NFAM1: variants seen among roughly 807,000 people sequenced by gnomAD.
NFAM1 encodes the protein NFAT activation molecule 1.
A neutral mutation model predicts 29.0 loss-of-function variants in NFAM1; 17 were observed. The observed-to-expected ratio is 0.59, with a 90% confidence interval of 0.40 to 0.88. The LOEUF (loss-of-function observed/expected upper bound fraction) is 0.88, where lower values mean the gene tolerates loss of function less well. Ranked by LOEUF, NFAM1 falls within the 40% of genes least tolerant of loss-of-function variation. The pLI is 0.00. For missense variants in NFAM1, 324 were observed against 344.6 expected (o/e 0.94, Z 0.47); for synonymous variants, 175 against 147.2 (o/e 1.19, Z -1.36).
chr22:42,433,063 C>G (rs1930858600), upstream of NFAM1, among the ~76,000 whole-genome samples: 1 of 152,210 alleles, frequency 6.6e-6, no homozygotes. Context: ...AACTGTGAGA[C>G]CCTCGAACTG....
intron 1 of NFAM1, among the ~76,000 whole-genome samples, chr22:42,422,992 A>T: frequency 6.6e-6 from 1 of 152,064 alleles, no homozygotes. Flanking sequence ...GGGCGCCTGT[A>T]ATCCCAGCTA....
chr22:42,403,953 C>T (rs968640989), intron 3 of NFAM1, among the ~76,000 whole-genome samples: 4 of 152,156 alleles, frequency 2.6e-5, no homozygotes, highest in African/African-American at 9.7e-5. Flanking sequence ...TGCCGAAATA[C>T]AGAGAACAAG....
At position 42,409,867 on chromosome 22, in the gene NFAM1, C is replaced by T. The variant is rs1433825114; in HGVS notation, c.452-320G>A. 1.3e-5 allele frequency among the ~76,000 whole-genome samples: 2 copies of T among 152,160 alleles called. No homozygotes were observed. Among genetic ancestry groups the T allele is most frequent in the Non-Finnish European group, 2.9e-5 (2 of 68,026 alleles). On this transcript the variant is annotated intron_variant, in intron 2 of 5. Transcript: ENST00000329021. The surrounding 1 kb of genome is among the most constrained non-coding windows in gnomAD (Gnocchi z 4.9). ...TCCCCTCTCGGGGCCTCTTCTTTTCCCTGTGTGAGGTGGTGATAATACGGG... is the reference window on the plus strand; with the variant it reads ...TCCCCTCTCGGGGCCTCTTCTTTTCTCTGTGTGAGGTGGTGATAATACGGG...
chr22:42,433,914 C>T (rs1026708506), upstream of NFAM1, among the ~76,000 whole-genome samples: 5 of 152,058 alleles, frequency 3.3e-5, no homozygotes, highest in African/African-American at 7.2e-5. Flanking sequence ...TCAGGGTACA[C>T]GGGGAGCATT....
At chr22:42,425,743 C>T (rs1046946393) in intron 1 of NFAM1, among the ~76,000 whole-genome samples, 6 of 152,200 alleles carry the variant, frequency 3.9e-5, no homozygotes, top group African/African-American at 9.7e-5. Flanking sequence ...CCTGAGCCCG[C>T]GTACTCTCTC....
At chr22:42,392,142 A>G (rs1929366286) in intron 4 of NFAM1, among the ~76,000 whole-genome samples, 1 of 152,072 alleles carries the variant, frequency 6.6e-6, no homozygotes, top group African/African-American at 2.4e-5. Flanking sequence ...AAGAAGAAAA[A>G]GGGTCCCAGG....
At chr22:42,429,938 G>A (rs1250475873) in intron 1 of NFAM1, among the ~76,000 whole-genome samples, 1 of 152,214 alleles carries the variant, frequency 6.6e-6, no homozygotes. Context: ...GTGACAGATA[G>A]ATGAAGGGGG....
intron 3 of NFAM1, among the ~76,000 whole-genome samples, chr22:42,398,377 TTTTA>T (rs1161763087): frequency 2.8e-5 from 4 of 140,812 alleles, no homozygotes; most frequent in Non-Finnish European, 6.1e-5. Context: ...TGGGCCTTGG[TTTTA>T]TTTATTATTA....
chr22:42,402,121 G>A (rs1199913551), intron 3 of NFAM1, among the ~76,000 whole-genome samples: 1 of 152,232 alleles, frequency 6.6e-6, no homozygotes, highest in African/African-American at 2.4e-5. Flanking sequence ...TTCCAGGAGA[G>A]GGTGATGGAG....
chr22:42,396,786 C>T (rs915578486), intron 4 of NFAM1, among the ~76,000 whole-genome samples: 7 of 152,236 alleles, frequency 4.6e-5, no homozygotes, highest in African/African-American at 9.6e-5. Context: ...CGCTGCCACC[C>T]GCCCCATCCT....
chr22:42,385,814 G>A (rs1217884426), intron 5 of NFAM1, among the ~76,000 whole-genome samples: 9 of 152,274 alleles, frequency 5.9e-5, no homozygotes, highest in East Asian at 1.9e-4. Flanking sequence ...TGAGGGCTGA[G>A]TATAGAAAGG....
At chr22:42,427,917 G>A (rs547459332) in intron 1 of NFAM1, among the ~76,000 whole-genome samples, 6 of 152,332 alleles carry the variant, frequency 3.9e-5, no homozygotes, top group African/African-American at 7.2e-5. Context: ...TCTGTGGGGC[G>A]AGGGGAGTAG....
At chr22:42,435,367 G>A (rs963796243), upstream of NFAM1, among the ~76,000 whole-genome samples, 46 of 140,168 alleles carry the variant, frequency 3.3e-4, no homozygotes, top group African/African-American at 1.2e-3. Context: ...TTTTTTTTGA[G>A]ACAGAATTTT....
chr22:42,406,876 G>C (rs1929916435), intron 3 of NFAM1, among the ~76,000 whole-genome samples: 1 of 151,934 alleles, frequency 6.6e-6, no homozygotes, highest in Non-Finnish European at 1.5e-5. Flanking sequence ...CCAGGTTTAG[G>C]TGATTCTCTT....
chr22:42,432,997 C>G (rs979387707), upstream of NFAM1, among the ~76,000 whole-genome samples: 2 of 152,098 alleles, frequency 1.3e-5, no homozygotes, highest in African/African-American at 4.8e-5. Context: ...TCTGGTCCAT[C>G]TCTAACGTCA....
Position 42,389,535 on chromosome 22 carries a change from C to T in NFAM1, c.664-2457G>A, listed in dbSNP as rs557683307. 6.6e-5 allele frequency among the ~76,000 whole-genome samples: 10 copies of T among 152,182 alleles called. No homozygotes were observed. The South Asian group carries it at 2.1e-3, about 32-fold the overall frequency. On this transcript the variant is annotated intron_variant, in intron 4 of 5. Transcript: ENST00000329021. The stretch of plus-strand genomic sequence containing the variant: ...TCCTGAACCATCCCCTCCTGGCCCT[C>T]CCTTAGGTATGCCTGCTGGGAGATT...
At chr22:42,430,129 T>C (rs1930748782) in intron 1 of NFAM1, among the ~76,000 whole-genome samples, 1 of 151,610 alleles carries the variant, frequency 6.6e-6, no homozygotes, top group African/African-American at 2.4e-5. Context: ...CTGGGTGTGG[T>C]GGCACACGCT....
chr22:42,435,134 A>T (rs759499015), upstream of NFAM1, among the ~76,000 whole-genome samples: 4 of 152,104 alleles, frequency 2.6e-5, no homozygotes, highest in Non-Finnish European at 5.9e-5. Flanking sequence ...TGGGGCAGGC[A>T]CTCTAATCAC....
intron 1 of NFAM1, among the ~76,000 whole-genome samples, chr22:42,425,136 T>C (rs1039707047): frequency 3.3e-5 from 5 of 152,128 alleles, no homozygotes; most frequent in Non-Finnish European, 5.9e-5. Flanking sequence ...TTGGCCAGGC[T>C]GGTCTCGAAC....
Sources: allele counts gnomAD v4.1 joint callset (sites outside exome capture counted in the v4.1 genomes callset), GRCh38; gene constraint gnomAD v4.1.1; non-coding constraint Gnocchi (gnomAD v3.1); transcripts MANE v1.5; gene names NCBI Gene and HGNC (gene_info 2026-07-23, HGNC 2026-07-21).